MS4A15: variants seen among roughly 807,000 people sequenced by gnomAD.
The protein encoded by MS4A15 is membrane-spanning 4-domains subfamily A member 15.
MS4A15 carries 22 observed loss-of-function variants against 20.6 expected under a neutral mutation model. The ratio of observed to expected loss-of-function variants is 1.07; its 90% CI spans 0.76 to 1.52. The LOEUF is 1.52. MS4A15 is among the 40% of genes most tolerant of loss of function. The probability of loss-of-function intolerance (pLI) is 0.00; values close to 1 mark genes in which losing one functional copy is unlikely to be tolerated. For missense variants in MS4A15, 312 were observed against 323.0 expected (o/e 0.97, Z 0.26); for synonymous variants, 129 against 129.3 (o/e 1.00, Z 0.02).
intron 1 of MS4A15, among the ~76,000 whole-genome samples, chr11:60,758,584 C>T (rs1416968722): frequency 6.6e-6 from 1 of 152,220 alleles, no homozygotes; most frequent in Non-Finnish European, 1.5e-5. Context: ...TAATTGTGAC[C>T]TAACCAGGCA....
intron 3 of MS4A15, among the ~76,000 whole-genome samples, chr11:60,769,363 A>G (rs1431634674): frequency 6.6e-6 from 1 of 152,186 alleles, no homozygotes; most frequent in African/African-American, 2.4e-5. Context: ...TGGAGGCTCA[A>G]AGGAGACCTT....
At chr11:60,775,517 T>C in intron 6 of MS4A15, 88 bp from the exon 7 acceptor site, 1 of 1,043,932 alleles carries the variant, frequency 9.6e-7, no homozygotes, top group Non-Finnish European at 1.4e-6. Flanking sequence ...AGGGCGCTGT[T>C]CTCAGATTAC....
chr11:60,775,635 G>A lies in MS4A15; in HGVS notation c.643G>A (p.Ala215Thr), dbSNP rs369193740. 3.1e-6 allele frequency: 5 copies of A among 1,613,788 alleles called. No homozygotes were observed. Among genetic ancestry groups the A allele is most frequent in the African/African-American group, 2.7e-5 (2 of 74,934 alleles). ...GATCTTCCTGCCAAACGCCTTCAGC[G>A]CAGACTTCAACATCCCCAGCCCGGC... ...PVIFLPNAFS[A>T]DFNIPSPAAS... The change falls in exon 7 of 7, where the codon GCA (alanine) becomes ACA (threonine). Residue 215 changes from alanine (A) to threonine (T), a missense_variant. Physicochemically the swap from Ala to Thr is moderately conservative, Grantham distance 58 (BLOSUM62 0). Transcript: ENST00000405633.
At chr11:60,772,496 C>T (rs1419696644) in intron 4 of MS4A15, among the ~76,000 whole-genome samples, 1 of 152,194 alleles carries the variant, frequency 6.6e-6, no homozygotes, top group African/African-American at 2.4e-5. Flanking sequence ...GGACTCACAG[C>T]ACTTTGCATA....
intron 1 of MS4A15, among the ~76,000 whole-genome samples, chr11:60,758,313 A>C (rs7930940): frequency 6.6e-6 from 1 of 151,900 alleles, no homozygotes; most frequent in African/African-American, 2.4e-5. Flanking sequence ...CAGTTAAACA[A>C]GGTGCCACAG....
chr11:60,768,454 C>A (rs1462862608), intron 3 of MS4A15, among the ~76,000 whole-genome samples: 2 of 152,200 alleles, frequency 1.3e-5, no homozygotes, highest in African/African-American at 4.8e-5. Flanking sequence ...CTTGTCACTG[C>A]CAACATTAAA....
rs1478587612 is a variant in MS4A15, at chr11:60,776,635, G to C, written c.*920G>C. Reference sequence around the variant, plus strand: ...CCTGGGCTTCGTCTCCAGGGGACAAGGAGACACTGTCAGCCTGGTGTTCAC... The same window carrying C: ...CCTGGGCTTCGTCTCCAGGGGACAACGAGACACTGTCAGCCTGGTGTTCAC... On this transcript the variant is annotated 3_prime_UTR_variant, in exon 7 of 7. Transcript: ENST00000405633. 6.6e-6 allele frequency: 1 copy of C among 152,300 alleles called. No individual in the cohort carries two copies. The allele number at this position is 152,300 out of a possible 1,614,324, so 9.4% of individuals were successfully genotyped here.
At chr11:60,764,437 G>C (rs567760282) in intron 2 of MS4A15, among the ~76,000 whole-genome samples, 1 of 152,318 alleles carries the variant, frequency 6.6e-6, no homozygotes, top group Non-Finnish European at 1.5e-5. Flanking sequence ...AGGTGAGATG[G>C]AATGAAAGTG....
intron 1 of MS4A15, among the ~76,000 whole-genome samples, chr11:60,760,697 T>C (rs1434513388): frequency 6.6e-6 from 1 of 152,124 alleles, no homozygotes; most frequent in Non-Finnish European, 1.5e-5. Flanking sequence ...TCTCTGTAAC[T>C]CAACCAGTCA....
At chr11:60,772,586 T>A (rs1054564071) in intron 4 of MS4A15, among the ~76,000 whole-genome samples, 1 of 152,236 alleles carries the variant, frequency 6.6e-6, no homozygotes, top group African/African-American at 2.4e-5. Flanking sequence ...TGTTCTGATC[T>A]CAATGACCTC....
At chr11:60,764,979 C>G (rs1590978133) in intron 2 of MS4A15, among the ~76,000 whole-genome samples, 1 of 152,030 alleles carries the variant, frequency 6.6e-6, no homozygotes, top group African/African-American at 2.4e-5. Flanking sequence ...AAGAATAATT[C>G]AGGAATCTGG....
intron 1 of MS4A15, among the ~76,000 whole-genome samples, chr11:60,757,908 A>T (rs1853633251): frequency 1.3e-5 from 2 of 152,252 alleles, no homozygotes; most frequent in East Asian, 3.8e-4. Flanking sequence ...AGGAGATGGC[A>T]TGAGAGTTTG....
Position 60,763,853 on chromosome 11 carries a change from G to A in MS4A15, c.120G>A (p.Met40Ile), listed in dbSNP as rs1217450089. 6.2e-7 allele frequency: 1 copy of A among 1,612,732 alleles called. No individual in the cohort carries two copies. Among genetic ancestry groups the A allele is most frequent in the Non-Finnish European group, 8.5e-7 (1 of 1,179,896 alleles). The change falls in exon 2 of 7, where the codon ATG becomes ATA. Residue 40 changes from methionine to isoleucine, a missense_variant. Transcript: ENST00000405633. ...CCATGTGCCAACCTCCAGGGATTAT[G>A]CAGTTTGAGGAGCCACCGCTGGGGG... is the stretch of plus-strand genomic sequence containing the variant. Reference protein sequence around the residue: ...PTSMCQPPGIMQFEEPPLGAQ... With the variant: ...PTSMCQPPGIIQFEEPPLGAQ...
chr11:60,771,303 G>A lies in MS4A15; in HGVS notation c.361G>A (p.Gly121Arg), dbSNP rs202234433. ...FWGGACFIIS[G>R]SLSVAAEKNH... ...TCTCCCCATACAGTTCATCATCTCC[G>A]GATCCCTCTCAGTGGCAGCCGAGAA... is the stretch of plus-strand genomic sequence containing the variant. Residue 121 changes from glycine (G) to arginine (R), a missense_variant, in exon 4 of 7, where the codon GGA becomes AGA. By Grantham distance (125) the Gly-to-Arg change is moderately radical (BLOSUM62 -2). Coordinates refer to ENST00000405633, the MANE Select transcript of MS4A15 (RefSeq NM_001098835.2). 78 of 1,613,778 alleles carry A rather than the reference G, an allele frequency of 4.8e-5. No individual in the cohort carries two copies. The Middle Eastern group carries it at 6.7e-4, about 14-fold the overall frequency.
intron 4 of MS4A15, chr11:60,771,624 C>G: frequency 1.4e-6 from 2 of 1,472,964 alleles, no homozygotes; most frequent in Non-Finnish European, 1.8e-6. Context: ...TAGAAGATCT[C>G]CTGTAAGAGT....
At chr11:60,764,925 G>C (rs1853844907) in intron 2 of MS4A15, among the ~76,000 whole-genome samples, 1 of 151,994 alleles carries the variant, frequency 6.6e-6, no homozygotes, top group African/African-American at 2.4e-5. Context: ...AAAAGAAAAA[G>C]AAAAGCTTTA....
At chr11:60,763,047 T>C (rs1853788563) in intron 1 of MS4A15, among the ~76,000 whole-genome samples, 1 of 151,932 alleles carries the variant, frequency 6.6e-6, no homozygotes, top group Non-Finnish European at 1.5e-5. Flanking sequence ...TGGGGTGGAC[T>C]CTCTCAGAAG....
chr11:60,763,014 A>G (rs1853787097), intron 1 of MS4A15, among the ~76,000 whole-genome samples: 1 of 152,180 alleles, frequency 6.6e-6, no homozygotes, highest in African/African-American at 2.4e-5. Flanking sequence ...AGCTCTTTCA[A>G]TAAATACTTG....
At chr11:60,764,715 C>T (rs1319027860) in intron 2 of MS4A15, among the ~76,000 whole-genome samples, 1 of 152,104 alleles carries the variant, frequency 6.6e-6, no homozygotes, top group Non-Finnish European at 1.5e-5. Context: ...TCAAGACCAA[C>T]CTGGCCAACA....
Sources: gnomAD v4.1 joint callset for allele counts (sites outside exome capture counted in the v4.1 genomes callset) on GRCh38, gnomAD v4.1.1 for gene constraint, MANE v1.5 for transcripts, NCBI Gene and HGNC (gene_info 2026-07-23, HGNC 2026-07-21) for gene names.